Variants in MRPS35 observed in about 807,000 individuals in gnomAD.
MRPS35 encodes small ribosomal subunit protein mS35.
A neutral mutation model predicts 32.7 loss-of-function variants in MRPS35; 29 were observed. The observed-to-expected ratio is 0.89, with a 90% CI of 0.66 to 1.21. The LOEUF is 1.21. MRPS35 is among the 50% of genes most tolerant of loss of function. The pLI is 0.00. For synonymous variants in MRPS35, 148 were observed against 139.3 expected (o/e 1.06, Z -0.44); for missense variants, 373 against 383.8 (o/e 0.97, Z 0.23).
At chr12:27,734,308 T>C (rs561485506) in intron 5 of MRPS35, among the ~76,000 whole-genome samples, 34 of 151,674 alleles carry the variant, frequency 2.2e-4, no homozygotes, top group South Asian at 2.1e-3. Context: ...AATGGCGCGA[T>C]TTCAGCTCAC....
rs1224501476 is a variant in MRPS35 at position 27,714,801 on chromosome 12, A to G, written c.134A>G (p.Glu45Gly). Residue 45 changes from glutamate to glycine, a missense_variant, in exon 2 of 8, where the codon GAA becomes GGA. By Grantham distance (98) the Glu-to-Gly change is moderately conservative. Coordinates refer to ENST00000081029, the MANE Select transcript of MRPS35 (RefSeq NM_021821.4). ...PSLPERTPGN[E>G]RPPRRKALPP... is the part of the protein sequence containing the mutation. ...ACAGCGGAAAGAACACCCGGAAATG[A>G]AAGGCCACCAAGAAGAAAGGTAAAA... 4 of 1,610,926 alleles carry G rather than the reference A, an allele frequency of 2.5e-6. 1 individual carries two copies. Among genetic ancestry groups the G allele is most frequent in the Non-Finnish European group, 3.4e-6 (4 of 1,177,450 alleles).
intron 5 of MRPS35, among the ~76,000 whole-genome samples, chr12:27,731,422 A>G (rs1406207946): frequency 2.0e-5 from 3 of 152,222 alleles, no homozygotes; most frequent in African/African-American, 7.2e-5. Context: ...AATCTATGCA[A>G]CCATTTTCGC....
rs578246095 is a variant in MRPS35 at position 27,740,917 on chromosome 12, A to G, written c.702+3309A>G. On this transcript the variant is annotated intron_variant, in intron 7 of 7. Transcript: ENST00000081029. ...AGTTTAAAGAAGCAAGGAGGCTGGG[A>G]GCACTTTGGGAGGCAAAGGCAGGCG... is the stretch of plus-strand genomic sequence containing the variant. Among the ~76,000 whole-genome samples, 30 of 152,310 alleles carry G rather than the reference A, an allele frequency of 2.0e-4. 1 individual carries two copies. In the South Asian group the frequency reaches 6.0e-3, roughly 31 times the overall value.
At chr12:27,748,383 C>G (rs1221694488) in intron 7 of MRPS35, among the ~76,000 whole-genome samples, 1 of 151,240 alleles carries the variant, frequency 6.6e-6, no homozygotes, top group African/African-American at 2.4e-5. Flanking sequence ...ATTGCTTCTT[C>G]AGGGGTTGGG....
chr12:27,718,563 T>C (rs1297351850), intron 3 of MRPS35, among the ~76,000 whole-genome samples: 4 of 152,260 alleles, frequency 2.6e-5, no homozygotes, highest in Non-Finnish European at 5.9e-5. Flanking sequence ...TAATAAATGC[T>C]AATTATTTAT....
intron 7 of MRPS35, among the ~76,000 whole-genome samples, chr12:27,746,379 G>A (rs2061982044): frequency 1.3e-5 from 2 of 152,268 alleles, no homozygotes; most frequent in Middle Eastern, 3.4e-3. Context: ...GATTTGGAAT[G>A]CTCAACCAGT....
In MRPS35 at chr12:27,728,432, C is replaced by T. The variant is rs527980500; in HGVS notation, c.522+4246C>T. On this transcript the variant is annotated intron_variant, in intron 5 of 7. Transcript: ENST00000081029. The stretch of plus-strand genomic sequence containing the variant: ...TACACATCTAAGTACCTTAACATTT[C>T]TGACACCTAATGTTTCACACTAAAA... Among the ~76,000 whole-genome samples, 12 of 152,198 alleles carry T rather than the reference C, an allele frequency of 7.9e-5. No homozygotes were observed. In the South Asian group the frequency reaches 2.5e-3, roughly 31 times the overall value.
intron 7 of MRPS35, among the ~76,000 whole-genome samples, chr12:27,746,769 TAC>T (rs1257498534): frequency 1.2e-4 from 19 of 152,204 alleles, no homozygotes; most frequent in Admixed American, 1.1e-3. Flanking sequence ...ATTTGAGAGT[TAC>T]AGTTTTCTTC....
chr12:27,711,241 C>T (rs1030648958), intron 1 of MRPS35, among the ~76,000 whole-genome samples: 1 of 152,200 alleles, frequency 6.6e-6, no homozygotes, highest in Non-Finnish European at 1.5e-5. Context: ...CGTCCACAGC[C>T]CCTGGCACAG....
intron 5 of MRPS35, among the ~76,000 whole-genome samples, chr12:27,730,111 G>A (rs1248284712): frequency 6.6e-6 from 1 of 152,190 alleles, no homozygotes; most frequent in African/African-American, 2.4e-5. Flanking sequence ...GTCACAACTA[G>A]TGAATTAATA....
chr12:27,734,065 G>GGGAAGTGTACAGAGTTAT (rs2140770588), intron 5 of MRPS35, among the ~76,000 whole-genome samples: 2 of 152,292 alleles, frequency 1.3e-5, no homozygotes, highest in East Asian at 3.9e-4. Context: ...GATGTCTTGA[G>GGGAAGTGTACAGAGTTAT]GGAAGTGTAC....
chr12:27,740,052 T>G (rs1337603911), intron 7 of MRPS35, among the ~76,000 whole-genome samples: 4 of 152,240 alleles, frequency 2.6e-5, no homozygotes, highest in African/African-American at 9.6e-5. Context: ...AAGAAGATTT[T>G]GAATACAGAT....
chr12:27,737,696 C>T (rs975176696), intron 7 of MRPS35, 88 bp downstream of exon 7: 3 of 1,061,740 alleles, frequency 2.8e-6, no homozygotes, highest in East Asian at 2.4e-5. Context: ...AAGTACTCAA[C>T]TGAGTATTTT....
intron 7 of MRPS35, among the ~76,000 whole-genome samples, chr12:27,739,480 A>G (rs898349950): frequency 5.9e-5 from 9 of 152,236 alleles, no homozygotes; most frequent in Non-Finnish European, 8.8e-5. Context: ...AAAGAAAAAA[A>G]CTTGGTTGTG....
rs1032074615 is a variant in MRPS35, at chr12:27,737,593, A to C, written c.687A>C (p.Leu229Phe). ...YDYAVYLLTV[L>F]YHESWNTEEW... Reference sequence around the variant, plus strand: ...ATGCAGTGTATCTACTAACAGTGTTATACCATGAGTCTTGGGTAAGTGTGT... The same window carrying C: ...ATGCAGTGTATCTACTAACAGTGTTCTACCATGAGTCTTGGGTAAGTGTGT... Residue 229 changes from leucine (L) to phenylalanine (F), a missense_variant, in exon 7 of 8, where the codon TTA becomes TTC. Leu to Phe is a conservative substitution (Grantham distance 22, BLOSUM62 0). Transcript: ENST00000081029. 1 of 1,609,702 alleles carries C rather than the reference A, an allele frequency of 6.2e-7. No homozygotes were observed. Among genetic ancestry groups the C allele is most frequent in the African/African-American group, 1.3e-5 (1 of 74,830 alleles).
chr12:27,753,664 AT>A (rs1181256948), intron 7 of MRPS35, among the ~76,000 whole-genome samples: 5 of 152,216 alleles, frequency 3.3e-5, no homozygotes, highest in African/African-American at 1.2e-4. Context: ...ATTCAGAATA[AT>A]AGATGATTCC....
At chr12:27,716,982 C>T (rs1407853009) in intron 3 of MRPS35, among the ~76,000 whole-genome samples, 2 of 150,932 alleles carry the variant, frequency 1.3e-5, no homozygotes, top group African/African-American at 4.8e-5. Context: ...TAGAGTGAGA[C>T]TCTGTCTCAG....
intron 1 of MRPS35, among the ~76,000 whole-genome samples, chr12:27,713,668 G>A (rs761952256): frequency 6.6e-6 from 1 of 152,152 alleles, no homozygotes; most frequent in Non-Finnish European, 1.5e-5. Flanking sequence ...ATTGAGAGCA[G>A]GTATTCCTCA....
chr12:27,737,535 A>G lies in MRPS35; in HGVS notation c.633-4A>G. 1 of 1,611,898 alleles carries G rather than the reference A, an allele frequency of 6.2e-7. No individual in the cohort carries two copies. Among genetic ancestry groups the G allele is most frequent in the South Asian group, 1.1e-5 (1 of 90,810 alleles). ...TTTGACTTCTCCCGCTTTCTCTTTA[A>G]TAGGTGCCCTTTAAGGAGGCAGAAT... On this transcript the variant is annotated splice_polypyrimidine_tract_variant and splice_region_variant and intron_variant, in intron 6 of 7. Coordinates refer to ENST00000081029, the MANE Select transcript of MRPS35 (RefSeq NM_021821.4).
Sources: gnomAD v4.1 joint callset for allele counts (sites outside exome capture counted in the v4.1 genomes callset) on GRCh38, gnomAD v4.1.1 for gene constraint, MANE v1.5 for transcripts, NCBI Gene and HGNC (gene_info 2026-07-23, HGNC 2026-07-21) for gene names.